Variants in STPG2 observed in about 807,000 individuals in gnomAD.
STPG2 encodes the protein sperm-tail PG-rich repeat-containing protein 2.
STPG2 carries 56 observed loss-of-function variants against 54.2 expected under a neutral mutation model. That is an observed-to-expected ratio of 1.03 (90% CI 0.83 to 1.29). The LOEUF (loss-of-function observed/expected upper bound fraction) is 1.29, where lower values mean the gene tolerates loss of function less well. Ranked by LOEUF, STPG2 falls within the 50% of genes most tolerant of loss-of-function variation. STPG2 has a pLI of 0.00. For missense variants in STPG2, 596 were observed against 544.9 expected (o/e 1.09, Z -0.93); for synonymous variants, 200 against 181.8 (o/e 1.10, Z -0.81).
intron 8 of STPG2, among the ~76,000 whole-genome samples, chr4:97,883,028 G>T (rs886519403): frequency 3.3e-5 from 5 of 151,130 alleles, no homozygotes; most frequent in Admixed American, 6.6e-5. Context: ...ATTATCAAGA[G>T]AGAAAGCAAG....
At chr4:97,461,856 G>T (rs1220403389) in intron 4 of STPG2, among the ~76,000 whole-genome samples, 1 of 151,640 alleles carries the variant, frequency 6.6e-6, no homozygotes, top group Non-Finnish European at 1.5e-5. Context: ...TTCATTTCTA[G>T]ATATCTATAA....
At chr4:98,118,401 A>G (rs1739581225) in intron 3 of STPG2, among the ~76,000 whole-genome samples, 1 of 152,088 alleles carries the variant, frequency 6.6e-6, no homozygotes, top group South Asian at 2.1e-4. Flanking sequence ...TCAATGTACT[A>G]TGGGATTAAG....
At chr4:97,908,121 T>C (rs1471271479) in intron 8 of STPG2, among the ~76,000 whole-genome samples, 1 of 151,268 alleles carries the variant, frequency 6.6e-6, no homozygotes, top group Non-Finnish European at 1.5e-5. Context: ...CCTACTCATC[T>C]GACAAAGGGC....
intron 5 of STPG2, among the ~76,000 whole-genome samples, chr4:98,079,678 C>T (rs1456146846): frequency 1.3e-5 from 2 of 152,054 alleles, no homozygotes; most frequent in Admixed American, 1.3e-4. Context: ...CAAAACTTCT[C>T]CACTGACTGG....
chr4:97,721,712 G>T (rs1724454182), intron 9 of STPG2, among the ~76,000 whole-genome samples: 1 of 151,966 alleles, frequency 6.6e-6, no homozygotes. Context: ...ACTTGTTACA[G>T]CTCAGAAGTA....
At chr4:97,789,962 TG>T (rs1452481027) in intron 9 of STPG2, among the ~76,000 whole-genome samples, 1 of 152,144 alleles carries the variant, frequency 6.6e-6, no homozygotes, top group Non-Finnish European at 1.5e-5. Context: ...AAGAAATAAC[TG>T]ATATTCCACT....
At chr4:97,482,614 A>G (rs1160473195) in intron 4 of STPG2, among the ~76,000 whole-genome samples, 1 of 151,700 alleles carries the variant, frequency 6.6e-6, no homozygotes, top group African/African-American at 2.4e-5. Context: ...AGAGAAATCT[A>G]AAAGTTTGGC....
intron 10 of STPG2, among the ~76,000 whole-genome samples, chr4:97,578,189 C>A (rs1217687732): frequency 6.7e-6 from 1 of 150,338 alleles, no homozygotes; most frequent in Admixed American, 6.7e-5. Flanking sequence ...ACTGCAACAT[C>A]CACCTCCCAG....
Position 97,862,776 on chromosome 4 carries a change from C to A in STPG2, c.1045-21844G>T, listed in dbSNP as rs1185279648. Among the ~76,000 whole-genome samples the A allele has an allele frequency of 7.2e-5, 11 of 152,160 alleles. No individual in the cohort carries two copies. In the East Asian group the frequency reaches 1.7e-3, roughly 24 times the overall value. On this transcript the variant is annotated intron_variant, in intron 8 of 10. Transcript: ENST00000295268. ...CGACCACAGTGCAATCAAATTAGAACTCAGGATTAAGAAACTCACTCAAAA... is the reference window on the plus strand; with the variant it reads ...CGACCACAGTGCAATCAAATTAGAAATCAGGATTAAGAAACTCACTCAAAA...
At chr4:97,468,566 C>T (rs907104228) in intron 4 of STPG2, among the ~76,000 whole-genome samples, 1 of 151,974 alleles carries the variant, frequency 6.6e-6, no homozygotes, top group Non-Finnish European at 1.5e-5. Flanking sequence ...TTATAACGCT[C>T]TGTATCTGGC....
intron 10 of STPG2, among the ~76,000 whole-genome samples, chr4:97,688,830 T>A (rs929730332): frequency 3.3e-5 from 5 of 152,152 alleles, no homozygotes; most frequent in Non-Finnish European, 7.4e-5. Flanking sequence ...ATTCACCAAA[T>A]AATAATTAAA....
chr4:97,944,491 A>C (rs1452904098), intron 7 of STPG2, among the ~76,000 whole-genome samples: 2 of 152,024 alleles, frequency 1.3e-5, no homozygotes, highest in African/African-American at 2.4e-5. Flanking sequence ...TGAAGATTTA[A>C]ATTAATAGGC....
At chr4:97,496,930 T>A (rs1411098086) in intron 4 of STPG2, among the ~76,000 whole-genome samples, 1 of 151,540 alleles carries the variant, frequency 6.6e-6, no homozygotes, top group Non-Finnish European at 1.5e-5. Flanking sequence ...GAAAATAATA[T>A]CCATATTAAA....
chr4:98,095,782 G>T (rs373654307), intron 5 of STPG2, among the ~76,000 whole-genome samples: 2 of 152,108 alleles, frequency 1.3e-5, no homozygotes, highest in African/African-American at 4.8e-5. Context: ...AATCAACAAA[G>T]AAACATCAAA....
At chr4:97,743,803 A>G (rs923977552) in intron 9 of STPG2, among the ~76,000 whole-genome samples, 5 of 151,710 alleles carry the variant, frequency 3.3e-5, no homozygotes, top group Admixed American at 6.6e-5. Context: ...ATTTGCTTGG[A>G]AGAATGGGAA....
At chr4:97,538,837 T>TG (rs1402493293) in intron 4 of STPG2, among the ~76,000 whole-genome samples, 1 of 152,190 alleles carries the variant, frequency 6.6e-6, no homozygotes, top group Non-Finnish European at 1.5e-5. Flanking sequence ...GACTAACAGC[T>TG]GATCTCTCAG....
chr4:98,084,847 G>T (rs917148386), intron 5 of STPG2, among the ~76,000 whole-genome samples: 3 of 151,940 alleles, frequency 2.0e-5, no homozygotes, highest in African/African-American at 7.2e-5. Context: ...TATTATTCTA[G>T]ATACAATTAT....
At position 97,676,861 on chromosome 4, in the gene STPG2, G is replaced by T. The variant is rs946675040; in HGVS notation, c.1320+35838C>A. 2.0e-5 allele frequency among the ~76,000 whole-genome samples: 3 copies of T among 152,202 alleles called. No individual in the cohort carries two copies. In the East Asian group the frequency reaches 5.8e-4, roughly 29 times the overall value. ...TCTTGAATCCCAAGGCAAATGACCT[G>T]TTTCACTTATAACCAGAACAGACAA... On this transcript the variant is annotated intron_variant, in intron 10 of 10. Coordinates refer to ENST00000295268, the MANE Select transcript of STPG2 (RefSeq NM_174952.3).
At chr4:97,726,759 C>T (rs768368749) in intron 9 of STPG2, among the ~76,000 whole-genome samples, 1 of 151,580 alleles carries the variant, frequency 6.6e-6, no homozygotes, top group Non-Finnish European at 1.5e-5. Context: ...CTCTTCTATA[C>T]AAGTTGGTTT....
Sources: gnomAD v4.1 joint callset for allele counts (sites outside exome capture counted in the v4.1 genomes callset) on GRCh38, gnomAD v4.1.1 for gene constraint, MANE v1.5 for transcripts, NCBI Gene and HGNC (gene_info 2026-07-23, HGNC 2026-07-21) for gene names.